The following SOS2 variants were observed in gnomAD, a reference collection of about 807,000 sequenced individuals.
SOS2 encodes SOS Ras/Rho guanine nucleotide exchange factor 2.
In SOS2, 65 loss-of-function variants were observed where a neutral mutation model predicts 148.2. The observed-to-expected ratio is 0.44, with a 90% CI of 0.36 to 0.54. The LOEUF (loss-of-function observed/expected upper bound fraction) is 0.54, where lower values mean the gene tolerates loss of function less well. SOS2 is among the 20% of genes least tolerant of loss of function. The pLI, the probability that SOS2 is intolerant of heterozygous loss-of-function variation, is 0.00. For missense variants in SOS2, 1,341 were observed against 1,590.2 expected, an observed-to-expected ratio of 0.84 and a Z score of 2.67; for synonymous variants, 539 against 537.1, an observed-to-expected ratio of 1.00 and a Z score of -0.05.
At chr14:50,175,736 G>A (rs1328557162) in intron 7 of SOS2, among the ~76,000 whole-genome samples, 1 of 151,952 alleles carries the variant, frequency 6.6e-6, no homozygotes, top group Admixed American at 6.6e-5. Flanking sequence ...AATTTTAAAT[G>A]TCTATATAGT....
chr14:50,192,995 A>C (rs991142559), intron 4 of SOS2, among the ~76,000 whole-genome samples: 12 of 151,966 alleles, frequency 7.9e-5, no homozygotes, highest in Admixed American at 7.2e-4. Context: ...TTATTCTCTC[A>C]CCTTTTTTTT....
intron 18 of SOS2, among the ~76,000 whole-genome samples, chr14:50,136,958 C>T (rs975236613): frequency 6.6e-6 from 1 of 152,010 alleles, no homozygotes; most frequent in Non-Finnish European, 1.5e-5. Flanking sequence ...TTGTTTTGAA[C>T]CGGGAACAAA....
At chr14:50,218,146 A>C (rs1186794237) in intron 1 of SOS2, among the ~76,000 whole-genome samples, 1 of 150,948 alleles carries the variant, frequency 6.6e-6, no homozygotes. Flanking sequence ...AAACAAAAAA[A>C]AAAAAAGAAA....
intron 4 of SOS2, among the ~76,000 whole-genome samples, chr14:50,196,944 T>C (rs1042024147): frequency 1.3e-5 from 2 of 152,108 alleles, no homozygotes; most frequent in Admixed American, 1.3e-4. Flanking sequence ...CTCGATTCCA[T>C]GTAGCCTCAA....
At chr14:50,230,867 C>G (rs1887518030) in intron 1 of SOS2, 2 of 1,020,008 alleles carry the variant, frequency 2.0e-6, no homozygotes, top group African/African-American at 3.4e-5. Context: ...GTTTTAGAAA[C>G]TGTCTAAATA....
In SOS2 at chr14:50,162,037, C is replaced by T. The variant is rs77372054; in HGVS notation, c.1069-428G>A. 7.0e-3 allele frequency among the ~76,000 whole-genome samples: 1,071 copies of T among 152,078 alleles called. 15 individuals are homozygous for T. The highest frequency in any genetic ancestry group is 0.024 in the African/African-American group (1,011 of 41,498). ...GTGCTGGGATTACAGGTATGAGCCA[C>T]CAGTCCTGGCCCAACCTTCTTTCTA... is the stretch of plus-strand genomic sequence containing the variant. On this transcript the variant is annotated intron_variant, in intron 8 of 22. Coordinates refer to ENST00000216373, the MANE Select transcript of SOS2 (RefSeq NM_006939.4).
intron 12 of SOS2, among the ~76,000 whole-genome samples, chr14:50,154,882 T>C (rs36060549): frequency 6.6e-6 from 1 of 152,182 alleles, no homozygotes; most frequent in African/African-American, 2.4e-5. Context: ...GAGATACATG[T>C]ATTTGTTAAA....
chr14:50,178,670 G>GTATATATA (rs1566839555), intron 7 of SOS2, among the ~76,000 whole-genome samples: 32 of 68,008 alleles, frequency 4.7e-4, no homozygotes, highest in South Asian at 2.8e-3. Context: ...GTGTGTGTGT[G>GTATATATA]CATATATATA....
At chr14:50,206,434 T>G (rs965339244) in intron 1 of SOS2, among the ~76,000 whole-genome samples, 76 of 152,284 alleles carry the variant, frequency 5.0e-4, no homozygotes, top group African/African-American at 1.8e-3. Flanking sequence ...CCTACACACA[T>G]CCTCCCATAT....
chr14:50,185,657 A>G lies in SOS2; in HGVS notation c.714+2840T>C, dbSNP rs201821986. 4.7e-5 allele frequency among the ~76,000 whole-genome samples: 7 copies of G among 149,018 alleles called. No individual in the cohort carries two copies. In the East Asian group the frequency reaches 1.4e-3, roughly 29 times the overall value. On this transcript the variant is annotated intron_variant, in intron 5 of 22. Transcript: ENST00000216373. ...CAGTGAGCCAGGACTGCACCATTACACTCCAGCCTGGATGACAGAGCAAGA... is the reference window on the plus strand; with the variant it reads ...CAGTGAGCCAGGACTGCACCATTACGCTCCAGCCTGGATGACAGAGCAAGA...
chr14:50,144,663 C>A (rs1292034722), intron 16 of SOS2, among the ~76,000 whole-genome samples: 1 of 152,046 alleles, frequency 6.6e-6, no homozygotes, highest in Non-Finnish European at 1.5e-5. Context: ...GTTTCGAACT[C>A]CTGAGCTCAG....
intron 5 of SOS2, among the ~76,000 whole-genome samples, chr14:50,186,850 G>C (rs1193615723): frequency 6.6e-6 from 1 of 152,072 alleles, no homozygotes; most frequent in Non-Finnish European, 1.5e-5. Flanking sequence ...AAACACTTTC[G>C]ATTATCATTT....
At chr14:50,130,345 T>C (rs575536162) in intron 20 of SOS2, among the ~76,000 whole-genome samples, 156 bp downstream of exon 20, 37 of 152,390 alleles carry the variant, frequency 2.4e-4, no homozygotes, top group Admixed American at 6.5e-4. Flanking sequence ...CAAATTATGC[T>C]CTACTTCTTG....
At chr14:50,189,696 T>A (rs1280388211) in intron 4 of SOS2, among the ~76,000 whole-genome samples, 1 of 152,178 alleles carries the variant, frequency 6.6e-6, no homozygotes, top group Non-Finnish European at 1.5e-5. Flanking sequence ...TGCTATTACG[T>A]TCATTTGCTA....
rs78270399 is a variant in SOS2 at position 50,227,118 on chromosome 14, C to G, written c.87+4079G>C. On this transcript the variant is annotated intron_variant, in intron 1 of 22. Transcript: ENST00000216373. ...TTGTAGCTCTCTGTTTTTAAATGAT[C>G]TAGGTGAGGTTCTATTTTAAAAGTT... Among the ~76,000 whole-genome samples the G allele has an allele frequency of 3.3e-3, 503 of 152,146 alleles. 3 individuals are homozygous for G. Among genetic ancestry groups the G allele is most frequent in the South Asian group, 0.018 (88 of 4,824 alleles).
chr14:50,178,184 G>C (rs1885588229), intron 7 of SOS2, among the ~76,000 whole-genome samples: 1 of 152,178 alleles, frequency 6.6e-6, no homozygotes, highest in Non-Finnish European at 1.5e-5. Flanking sequence ...AATTTTGGAG[G>C]TGGGGCCTAG....
chr14:50,156,092 A>G (rs1453037741), intron 12 of SOS2: 2 of 152,206 alleles, frequency 1.3e-5, no homozygotes, highest in Admixed American at 6.5e-5. Context: ...ATTGGTCAAC[A>G]GTAATCAAGG....
chr14:50,139,825 G>C, intron 17 of SOS2, 117 bp downstream of exon 17: 1 of 539,824 alleles, frequency 1.9e-6, no homozygotes, highest in Non-Finnish European at 3.4e-6. Flanking sequence ...TTAATACAGA[G>C]AGCTAATAAA....
intron 7 of SOS2, among the ~76,000 whole-genome samples, chr14:50,178,691 TATATATATATATATATATATACACAC>T (rs1885617228): frequency 3.4e-5 from 1 of 29,796 alleles, no homozygotes; most frequent in African/African-American, 1.1e-4. Context: ...TATATATATA[TATATATATATATATATATATACACAC>T]ATATACACAC....
Sources: gnomAD v4.1 joint callset for allele counts (sites outside exome capture counted in the v4.1 genomes callset) on GRCh38, gnomAD v4.1.1 for gene constraint, MANE v1.5 for transcripts, NCBI Gene and HGNC (gene_info 2026-07-23, HGNC 2026-07-21) for gene names.